PCDHGA6: variants seen among roughly 807,000 people sequenced by gnomAD.
PCDHGA6 encodes protocadherin gamma subfamily A, 6.
Under a neutral mutation model 60.6 loss-of-function variants are expected in PCDHGA6, and 41 were observed. That is an observed-to-expected ratio of 0.68 (90% CI 0.53 to 0.88). The LOEUF is 0.88. Ranked by LOEUF, PCDHGA6 falls within the 40% of genes least tolerant of loss-of-function variation. The pLI is 0.00. For synonymous variants in PCDHGA6, 594 were observed against 524.4 expected, an observed-to-expected ratio of 1.13 and a Z score of -1.81; for missense variants, 1,312 against 1,203.0, an observed-to-expected ratio of 1.09 and a Z score of -1.34.
intron 1 of PCDHGA6, among the ~76,000 whole-genome samples, chr5:141,458,758 G>T (rs1473104567): frequency 1.3e-5 from 2 of 150,844 alleles, no homozygotes; most frequent in Non-Finnish European, 3.0e-5. Context: ...TTTGAGACAG[G>T]GTCTTGCTGT....
chr5:141,492,043 TC>T (rs1323524482), intron 1 of PCDHGA6: 5 of 518,152 alleles, frequency 9.6e-6, no homozygotes, highest in Non-Finnish European at 1.7e-5. Context: ...CAGTCACAGA[TC>T]CACCCCTGCA....
At chr5:141,389,014 A>G (rs768171301) in intron 1 of PCDHGA6, 54 of 1,614,000 alleles carry the variant, frequency 3.3e-5, no homozygotes, top group Non-Finnish European at 4.5e-5. Flanking sequence ...TCCAGACACA[A>G]TGGAGAAGTG....
chr5:141,428,459 A>C, intron 1 of PCDHGA6: 2 of 350,154 alleles, frequency 5.7e-6, no homozygotes, highest in Non-Finnish European at 5.5e-6. Context: ...CCCAACTACA[A>C]TGAGGGAACT....
At chr5:141,381,826 C>CTTTTTTTTTTTTT (rs770630741) in intron 1 of PCDHGA6, among the ~76,000 whole-genome samples, 10 of 74,294 alleles carry the variant, frequency 1.3e-4, no homozygotes, top group Non-Finnish European at 1.9e-4. Context: ...CTTTCTTCTT[C>CTTTTTTTTTTTTT]TTTTTTTTTT....
chr5:141,420,080 C>T (rs754438863), intron 1 of PCDHGA6: 2 of 1,614,010 alleles, frequency 1.2e-6, no homozygotes, highest in Non-Finnish European at 1.7e-6. Context: ...TGTGGGTCCC[C>T]CCAACTACAG....
In PCDHGA6 at chr5:141,476,886, C is replaced by T; in HGVS notation, c.2425-17921C>T. ...TACCGGGCGCGCGTCCTGGAGGATG[C>T]ACCCTCCGGCACGCGCGTGGTACAA... On this transcript the variant is annotated intron_variant, in intron 1 of 3. Transcript: ENST00000517434. This position sits in a 1 kb window ranked among gnomAD's most constrained non-coding sequence, Gnocchi z 7.6. The T allele has an allele frequency of 9.9e-6, 16 of 1,613,924 alleles. No individual in the cohort carries two copies. Among genetic ancestry groups the T allele is most frequent in the Non-Finnish European group, 1.4e-5 (16 of 1,180,032 alleles).
In PCDHGA6 at chr5:141,476,331, C is replaced by T; in HGVS notation, c.2425-18476C>T. On this transcript the variant is annotated intron_variant, in intron 1 of 3. Transcript: ENST00000517434. This position sits in a 1 kb window ranked among gnomAD's most constrained non-coding sequence, Gnocchi z 7.6. Reference sequence around the variant, plus strand: ...CGCAGGTTCCGGGTGGTGTCTGGAGCTAGCCGAAGATTCTTTGAGGTGAAC... The same window carrying T: ...CGCAGGTTCCGGGTGGTGTCTGGAGTTAGCCGAAGATTCTTTGAGGTGAAC... 1.2e-6 allele frequency: 2 copies of T among 1,614,156 alleles called. No individual in the cohort carries two copies. Among genetic ancestry groups the T allele is most frequent in the Non-Finnish European group, 1.7e-6 (2 of 1,180,042 alleles).
At chr5:141,494,564 G>A (rs2099755274) in intron 1 of PCDHGA6, among the ~76,000 whole-genome samples, 1 of 152,138 alleles carries the variant, frequency 6.6e-6, no homozygotes, top group Non-Finnish European at 1.5e-5. Context: ...TTTAGGAAAG[G>A]AGTCTCAGCT....
chr5:141,379,889 C>CTTTTT lies in PCDHGA6; in HGVS notation c.2424+3408_2424+3412dup, dbSNP rs70988800. 5.8e-3 allele frequency among the ~76,000 whole-genome samples: 293 copies of CTTTTT among 50,830 alleles called. 35 individuals carry two copies. The highest frequency in any genetic ancestry group is 6.4e-3 in the African/African-American group (97 of 15,076). The allele number at this position is 50,830 out of a possible 152,430, so 33.3% of individuals were successfully genotyped here. A position where few individuals can be genotyped will look rare whatever the true frequency, so the allele number is the denominator to read the frequency against. On this transcript the variant is annotated intron_variant, in intron 1 of 3. Coordinates refer to ENST00000517434, the MANE Select transcript of PCDHGA6 (RefSeq NM_018919.3). ...CTTATTTTATGGTCTGTGAAAGCCTCTTTTTTTTTTTTTTTTTTTTTTTTT... is the reference window on the plus strand; with the variant it reads ...CTTATTTTATGGTCTGTGAAAGCCTCTTTTTTTTTTTTTTTTTTTTTTTTTTTTTT...
Position 141,431,041 on chromosome 5 carries a change from G to C in PCDHGA6, c.2424+54534G>C, listed in dbSNP as rs2097339173. On this transcript the variant is annotated intron_variant, in intron 1 of 3. Coordinates refer to ENST00000517434, the MANE Select transcript of PCDHGA6 (RefSeq NM_018919.3). The surrounding 1 kb of genome is among the most constrained non-coding windows in gnomAD (Gnocchi z 4.8). ...CGGCGGGCAGGATAGACCGGGAGGA[G>C]CTCTGTATGGGGGCCATCAAGTGTC... The C allele has an allele frequency of 6.2e-7, 1 of 1,614,116 alleles. No homozygotes were observed. Among genetic ancestry groups the C allele is most frequent in the Non-Finnish European group, 8.5e-7 (1 of 1,180,046 alleles).
chr5:141,405,233 G>A (rs746061797), intron 1 of PCDHGA6: 10 of 1,613,914 alleles, frequency 6.2e-6, no homozygotes, highest in East Asian at 2.2e-5. Flanking sequence ...CTCCCTCACC[G>A]CTGACTCAAG....
In PCDHGA6 at chr5:141,489,928, G is replaced by A. The variant is rs752861962; in HGVS notation, c.2425-4879G>A. ...CCGCTCAGGGACCACCCTTATCTCT[G>A]TCATCGTGCTGGACATCAATGATAA... On this transcript the variant is annotated intron_variant, in intron 1 of 3. Transcript: ENST00000517434. The surrounding 1 kb of genome is among the most constrained non-coding windows in gnomAD (Gnocchi z 4.5). 2 of 1,614,206 alleles carry A rather than the reference G, an allele frequency of 1.2e-6. No homozygotes were observed. Among genetic ancestry groups the A allele is most frequent in the Non-Finnish European group, 1.7e-6 (2 of 1,180,038 alleles).
chr5:141,384,221 A>C, intron 1 of PCDHGA6: 1 of 1,613,936 alleles, frequency 6.2e-7, no homozygotes, highest in Non-Finnish European at 8.5e-7. Flanking sequence ...ATATTCATGC[A>C]GGTGGCAGAC....
chr5:141,472,980 C>CAAAAAAAAAAAAAAAAAAAAAAA (rs60579131), intron 1 of PCDHGA6, among the ~76,000 whole-genome samples: 6 of 86,066 alleles, frequency 7.0e-5, no homozygotes, highest in Non-Finnish European at 1.0e-4. Context: ...GAGTGAAACT[C>CAAAAAAAAAAAAAAAAAAAAAAA]AAAAAAAAAA....
At chr5:141,448,602 A>G (rs1350132402) in intron 1 of PCDHGA6, among the ~76,000 whole-genome samples, 1 of 152,154 alleles carries the variant, frequency 6.6e-6, no homozygotes, top group Non-Finnish European at 1.5e-5. Flanking sequence ...AAAATACTAT[A>G]CACCACTTTA....
In PCDHGA6 at chr5:141,489,661, C is replaced by T. The variant is rs756803543; in HGVS notation, c.2425-5146C>T. 36 of 1,614,146 alleles carry T rather than the reference C, an allele frequency of 2.2e-5. 1 individual carries two copies. Among genetic ancestry groups the T allele is most frequent in the South Asian group, 5.5e-5 (5 of 91,090 alleles). ...CTTTGCCACCCCTGAGCGAGAGATG[C>T]GCATCTCAGAATCAGCAGCATCTGG... On this transcript the variant is annotated intron_variant, in intron 1 of 3. Coordinates refer to ENST00000517434, the MANE Select transcript of PCDHGA6 (RefSeq NM_018919.3). The surrounding 1 kb of genome is among the most constrained non-coding windows in gnomAD (Gnocchi z 4.5).
chr5:141,409,961 C>G (rs538942740), intron 1 of PCDHGA6: 26 of 1,613,442 alleles, frequency 1.6e-5, no homozygotes, highest in Admixed American at 8.3e-5. Context: ...GCCCGGCTAC[C>G]TAGTGACTAA....
At chr5:141,501,987 G>A (rs1462571527) in intron 2 of PCDHGA6, among the ~76,000 whole-genome samples, 2 of 152,016 alleles carry the variant, frequency 1.3e-5, no homozygotes, top group Non-Finnish European at 2.9e-5. Flanking sequence ...TGGTCCCGTT[G>A]TCTCCCTGAC....
At chr5:141,392,870 G>T (rs757363357) in intron 1 of PCDHGA6, 8 of 1,613,226 alleles carry the variant, frequency 5.0e-6, no homozygotes, top group Non-Finnish European at 6.8e-6. Context: ...TGTGCGCGCT[G>T]CTGGGAACGC....
Sources: allele counts gnomAD v4.1 joint callset (sites outside exome capture counted in the v4.1 genomes callset), GRCh38; gene constraint gnomAD v4.1.1; non-coding constraint Gnocchi (gnomAD v3.1); transcripts MANE v1.5; gene names NCBI Gene and HGNC (gene_info 2026-07-23, HGNC 2026-07-21).